PRR16: variants seen among roughly 807,000 people sequenced by gnomAD.
PRR16 encodes protein Largen.
A neutral mutation model predicts 18.2 loss-of-function variants in PRR16; 6 were observed. The ratio of observed to expected loss-of-function variants is 0.33; its 90% CI spans 0.18 to 0.65. PRR16 has a LOEUF of 0.65. Among genes scored for constraint, PRR16 ranks in the 30% least tolerant of loss-of-function variants. PRR16 has a pLI of 0.74. For synonymous variants in PRR16, 151 were observed against 147.8 expected, an observed-to-expected ratio of 1.02 and a Z score of -0.16; for missense variants, 412 against 376.6, an observed-to-expected ratio of 1.09 and a Z score of -0.78.
chr5:120,488,256 C>G (rs767642712), intron 1 of PRR16, among the ~76,000 whole-genome samples: 1 of 152,082 alleles, frequency 6.6e-6, no homozygotes, highest in Non-Finnish European at 1.5e-5. Flanking sequence ...TGGTAGAATT[C>G]GGCTGTGAAT....
In PRR16 at chr5:120,686,233, G is replaced by T. The variant is rs202115160; in HGVS notation, c.439G>T (p.Val147Leu). The change falls in exon 2 of 2, where the codon GTA becomes TTA. Residue 147 changes from valine to leucine, a missense_variant. By Grantham distance (32) the Val-to-Leu change is conservative. Coordinates refer to ENST00000407149, the MANE Select transcript of PRR16 (RefSeq NM_001300783.2). ...AAGGGTGGTTCCAACTGCCAATCCT[G>T]TAAAAACCAATGGCACCCTTCTACG... ...PKRVVPTANP[V>L]KTNGTLLRNG... is the part of the protein sequence containing the mutation. 1.3e-5 allele frequency: 21 copies of T among 1,613,962 alleles called. No individual in the cohort carries two copies. In the Middle Eastern group the frequency reaches 4.9e-4, roughly 38 times the overall value.
At chr5:120,564,325 C>T (rs1752667939) in intron 1 of PRR16, among the ~76,000 whole-genome samples, 1 of 152,086 alleles carries the variant, frequency 6.6e-6, no homozygotes, top group Admixed American at 6.6e-5. Context: ...TAGACTTTGC[C>T]TAAGAAATCC....
intron 1 of PRR16, among the ~76,000 whole-genome samples, chr5:120,489,510 C>T (rs1331312426): frequency 1.3e-5 from 2 of 152,050 alleles, no homozygotes; most frequent in African/African-American, 4.8e-5. Context: ...GCTTGGTAGA[C>T]CTTCCTCCAT....
At chr5:120,724,028 C>A in the PRR16 span, among the ~76,000 whole-genome samples, 1 of 150,978 alleles carries the variant, frequency 6.6e-6, no homozygotes, top group Non-Finnish European at 1.5e-5. Flanking sequence ...CCTCTGTTTG[C>A]AATATTTTCT....
At chr5:120,653,788 C>T (rs529012070) in intron 1 of PRR16, among the ~76,000 whole-genome samples, 2 of 152,074 alleles carry the variant, frequency 1.3e-5, no homozygotes, top group South Asian at 4.2e-4. Flanking sequence ...TGCCATACAC[C>T]TCATGTTTAT....
intron 1 of PRR16, among the ~76,000 whole-genome samples, chr5:120,573,905 A>ATG (rs772613413): frequency 1.2e-5 from 1 of 82,312 alleles, no homozygotes; most frequent in Non-Finnish European, 2.7e-5. Context: ...ATATGTGTGT[A>ATG]TATATATATA....
At chr5:120,482,017 T>G (rs1749633542) in intron 1 of PRR16, among the ~76,000 whole-genome samples, 1 of 152,066 alleles carries the variant, frequency 6.6e-6, no homozygotes, top group Admixed American at 6.6e-5. Flanking sequence ...CAGAAATTAC[T>G]CCCATGCTAA....
intron 1 of PRR16, among the ~76,000 whole-genome samples, chr5:120,674,910 T>A (rs1756743171): frequency 6.6e-6 from 1 of 152,000 alleles, no homozygotes; most frequent in Non-Finnish European, 1.5e-5. Context: ...AACATTTGTT[T>A]TATATTCCAA....
At chr5:120,704,846 C>T in the PRR16 span, among the ~76,000 whole-genome samples, 1 of 152,050 alleles carries the variant, frequency 6.6e-6, no homozygotes. Context: ...CTTATGAAGC[C>T]TATTTACGCA....
At chr5:120,678,709 A>G (rs941915439) in intron 1 of PRR16, among the ~76,000 whole-genome samples, 5 of 152,294 alleles carry the variant, frequency 3.3e-5, no homozygotes, top group African/African-American at 1.2e-4. Context: ...TCTTTTCTAA[A>G]TATAAGATCA....
chr5:120,609,100 A>G (rs1328515167), intron 1 of PRR16, among the ~76,000 whole-genome samples: 2 of 151,826 alleles, frequency 1.3e-5, no homozygotes, highest in African/African-American at 4.8e-5. Flanking sequence ...TTTTTCAACA[A>G]CTTTATTCAG....
chr5:120,741,247 T>G, the PRR16 span, among the ~76,000 whole-genome samples: 4 of 152,046 alleles, frequency 2.6e-5, no homozygotes, highest in African/African-American at 4.8e-5. Context: ...ATATATTTAT[T>G]TATTTATTTT....
intron 1 of PRR16, among the ~76,000 whole-genome samples, chr5:120,606,857 T>C (rs1004324179): frequency 3.3e-5 from 5 of 152,208 alleles, no homozygotes; most frequent in African/African-American, 1.2e-4. Context: ...CAGTGAGCTA[T>C]GATCACCACT....
At chr5:120,716,558 C>G in the PRR16 span, among the ~76,000 whole-genome samples, 1 of 152,078 alleles carries the variant, frequency 6.6e-6, no homozygotes, top group Non-Finnish European at 1.5e-5. Flanking sequence ...GGCATAGTTC[C>G]TGAAATGGAT....
chr5:120,483,630 T>A lies in PRR16; in HGVS notation c.159+18985T>A, dbSNP rs569776605. 4.9e-4 allele frequency among the ~76,000 whole-genome samples: 74 copies of A among 152,286 alleles called. No homozygotes were observed. The Middle Eastern group carries it at 0.01, about 21-fold the overall frequency. ...CTTGATCATGTTGATTGAATAAATG[T>A]CAGAATGTGTCATAAACAGAAGAAA... On this transcript the variant is annotated intron_variant, in intron 1 of 1. Coordinates refer to ENST00000407149, the MANE Select transcript of PRR16 (RefSeq NM_001300783.2).
chr5:120,590,877 C>T (rs1753611335), intron 1 of PRR16, among the ~76,000 whole-genome samples: 1 of 152,162 alleles, frequency 6.6e-6, no homozygotes, highest in Non-Finnish European at 1.5e-5. Context: ...TTGTTCACCA[C>T]AGTTCTGGTA....
At chr5:120,770,930 T>TCC in the PRR16 span, among the ~76,000 whole-genome samples, 2 of 148,536 alleles carry the variant, frequency 1.3e-5, no homozygotes, top group East Asian at 3.9e-4. Flanking sequence ...TGGAACACTC[T>TCC]CTCTCTCTCT....
intron 1 of PRR16, among the ~76,000 whole-genome samples, chr5:120,495,242 A>G (rs1042466538): frequency 2.0e-5 from 3 of 151,948 alleles, no homozygotes. Context: ...GATTTATTTC[A>G]TTGTCATTTT....
At chr5:120,483,694 C>A (rs1405578604) in intron 1 of PRR16, among the ~76,000 whole-genome samples, 1 of 151,952 alleles carries the variant, frequency 6.6e-6, no homozygotes, top group Admixed American at 6.6e-5. Context: ...AGTAAATTCA[C>A]AAATATATCA....
Sources: allele counts gnomAD v4.1 joint callset (sites outside exome capture counted in the v4.1 genomes callset), GRCh38; gene constraint gnomAD v4.1.1; transcripts MANE v1.5; gene names NCBI Gene and HGNC (gene_info 2026-07-23, HGNC 2026-07-21).